Variants in CTNNA3 observed in about 807,000 individuals in gnomAD.
CTNNA3 encodes the protein catenin alpha 3.
In CTNNA3, 76 loss-of-function variants were observed where a neutral mutation model predicts 95.7. That is an observed-to-expected ratio of 0.79 (90% confidence interval 0.66 to 0.96). The LOEUF (loss-of-function observed/expected upper bound fraction) is 0.96. CTNNA3 is among the 40% of genes least tolerant of loss of function. The pLI, the probability that CTNNA3 is intolerant of heterozygous loss-of-function variation, is 0.00. For synonymous variants in CTNNA3, 431 were observed against 374.4 expected, an observed-to-expected ratio of 1.15 and a Z score of -1.74; for missense variants, 1,191 against 1,089.8, an observed-to-expected ratio of 1.09 and a Z score of -1.31.
intron 7 of CTNNA3, among the ~76,000 whole-genome samples, chr10:66,969,102 CTTTA>C: frequency 6.6e-6 from 1 of 151,838 alleles, no homozygotes; most frequent in Non-Finnish European, 1.5e-5. Context: ...ACATCCATTG[CTTTA>C]TTTTCTGACT....
At chr10:67,137,301 T>C (rs1175913651) in intron 7 of CTNNA3, among the ~76,000 whole-genome samples, 1 of 104,312 alleles carries the variant, frequency 9.6e-6, no homozygotes, top group East Asian at 2.6e-4. Flanking sequence ...TTTTGTTGCA[T>C]TTTCTGTATT....
At chr10:66,963,253 G>A (rs987474469) in intron 7 of CTNNA3, among the ~76,000 whole-genome samples, 1 of 152,156 alleles carries the variant, frequency 6.6e-6, no homozygotes, top group African/African-American at 2.4e-5. Flanking sequence ...GGAAGAGCAA[G>A]CACTTTGACA....
At chr10:66,803,320 G>C (rs538352468) in intron 7 of CTNNA3, among the ~76,000 whole-genome samples, 6 of 151,968 alleles carry the variant, frequency 3.9e-5, no homozygotes, top group African/African-American at 1.4e-4. Flanking sequence ...CATGAATTCT[G>C]TTTGCTTGGA....
chr10:67,739,501 T>C (rs1438880885), intron 1 of CTNNA3, among the ~76,000 whole-genome samples: 1 of 152,054 alleles, frequency 6.6e-6, no homozygotes, highest in Non-Finnish European at 1.5e-5. Context: ...CAAGCATTCT[T>C]ATACACCAAT....
chr10:66,727,950 T>G (rs1220363553), intron 9 of CTNNA3, among the ~76,000 whole-genome samples: 1 of 152,224 alleles, frequency 6.6e-6, no homozygotes, highest in East Asian at 1.9e-4. Flanking sequence ...GCCACATTTT[T>G]AATATAAAAC....
intron 5 of CTNNA3, among the ~76,000 whole-genome samples, chr10:67,269,544 G>A (rs772676635): frequency 1.3e-5 from 2 of 152,090 alleles, no homozygotes; most frequent in South Asian, 2.1e-4. Flanking sequence ...TTATTAATCA[G>A]AATAGCTCCT....
chr10:66,773,415 A>G (rs1336844355), intron 8 of CTNNA3, among the ~76,000 whole-genome samples: 4 of 152,170 alleles, frequency 2.6e-5, no homozygotes, highest in Non-Finnish European at 5.9e-5. Context: ...TTGAAACAGC[A>G]TGAAAGAGAT....
At chr10:67,224,850 A>G (rs564103472) in intron 5 of CTNNA3, among the ~76,000 whole-genome samples, 1 of 152,252 alleles carries the variant, frequency 6.6e-6, no homozygotes, top group South Asian at 2.1e-4. Context: ...CTTCGTAACA[A>G]TTTGAACAGG....
At chr10:66,878,292 G>A (rs1365317214) in intron 7 of CTNNA3, among the ~76,000 whole-genome samples, 1 of 151,980 alleles carries the variant, frequency 6.6e-6, no homozygotes, top group Admixed American at 6.6e-5. Context: ...TCCGGCTCAC[G>A]GCAGCCTCAA....
chr10:66,573,293 A>G (rs1360118753), intron 10 of CTNNA3, among the ~76,000 whole-genome samples: 1 of 152,166 alleles, frequency 6.6e-6, no homozygotes, highest in African/African-American at 2.4e-5. Flanking sequence ...TTCTAATGAT[A>G]TGCATTATTT....
chr10:67,192,394 A>G (rs1162489172), intron 6 of CTNNA3, among the ~76,000 whole-genome samples: 3 of 152,022 alleles, frequency 2.0e-5, no homozygotes, highest in Admixed American at 2.0e-4. Flanking sequence ...AGGAAGTCAT[A>G]CCACTCAATA....
At chr10:67,593,638 C>T (rs2133352166) in intron 3 of CTNNA3, among the ~76,000 whole-genome samples, 1 of 152,260 alleles carries the variant, frequency 6.6e-6, no homozygotes, top group South Asian at 2.1e-4. Flanking sequence ...AGTTGTTTAT[C>T]AGGTCTAGGA....
chr10:66,892,985 T>C (rs559701861), intron 7 of CTNNA3, among the ~76,000 whole-genome samples: 1 of 152,230 alleles, frequency 6.6e-6, no homozygotes, highest in Admixed American at 6.5e-5. Flanking sequence ...TCTGCTCATG[T>C]TTTTCTCTTT....
intron 11 of CTNNA3, among the ~76,000 whole-genome samples, chr10:66,504,243 T>C (rs915165499): frequency 2.0e-5 from 3 of 152,158 alleles, no homozygotes; most frequent in Admixed American, 2.0e-4. Flanking sequence ...ACCACTATTC[T>C]ACTCCCTGCT....
chr10:67,704,539 T>C (rs1234336341), intron 1 of CTNNA3, among the ~76,000 whole-genome samples: 4 of 152,220 alleles, frequency 2.6e-5, no homozygotes, highest in Non-Finnish European at 4.4e-5. Flanking sequence ...GGATTCCCTA[T>C]TTAATAAACG....
chr10:67,553,114 G>A (rs1439857456), intron 3 of CTNNA3, among the ~76,000 whole-genome samples: 1 of 152,094 alleles, frequency 6.6e-6, no homozygotes, highest in Non-Finnish European at 1.5e-5. Flanking sequence ...ATTTGAGCAG[G>A]AATTTAGTAT....
chr10:67,166,722 C>T (rs1861784015), intron 7 of CTNNA3, among the ~76,000 whole-genome samples: 1 of 152,186 alleles, frequency 6.6e-6, no homozygotes, highest in Non-Finnish European at 1.5e-5. Flanking sequence ...TTATGTTCTT[C>T]TCAAAGTAAA....
intron 1 of CTNNA3, among the ~76,000 whole-genome samples, chr10:67,722,404 G>A (rs1841184526): frequency 6.6e-6 from 1 of 152,112 alleles, no homozygotes; most frequent in African/African-American, 2.4e-5. Context: ...TGAAGTTTTT[G>A]CTATCCTCCT....
intron 3 of CTNNA3, among the ~76,000 whole-genome samples, chr10:67,593,824 C>T (rs949864366): frequency 1.3e-5 from 2 of 152,066 alleles, no homozygotes; most frequent in African/African-American, 4.8e-5. Context: ...GGTGGGCATC[C>T]TTGTCTTGCA....
Sources: allele counts gnomAD v4.1 joint callset (sites outside exome capture counted in the v4.1 genomes callset), GRCh38; gene constraint gnomAD v4.1.1; transcripts MANE v1.5; gene names NCBI Gene and HGNC (gene_info 2026-07-23, HGNC 2026-07-21).